LSAMP: variants seen among roughly 807,000 people sequenced by gnomAD.
LSAMP encodes limbic system-associated membrane protein.
A neutral mutation model predicts 38.6 loss-of-function variants in LSAMP; 7 were observed. The ratio of observed to expected loss-of-function variants is 0.18; its 90% CI spans 0.10 to 0.34. The LOEUF (loss-of-function observed/expected upper bound fraction) is 0.34. LSAMP is among the 10% of genes least tolerant of loss of function. The pLI is 1.00. For synonymous variants in LSAMP, 154 were observed against 166.8 expected, an observed-to-expected ratio of 0.92 and a Z score of 0.59; for missense variants, 313 against 420.0, an observed-to-expected ratio of 0.75 and a Z score of 2.23.
At chr3:116,341,925 G>C (rs146936679) in intron 1 of LSAMP, among the ~76,000 whole-genome samples, 1 of 152,102 alleles carries the variant, frequency 6.6e-6, no homozygotes, top group Non-Finnish European at 1.5e-5. Context: ...GTATTGGCTG[G>C]ATAAGCAATG....
intron 2 of LSAMP, among the ~76,000 whole-genome samples, chr3:116,041,419 T>G (rs1385030532): frequency 6.6e-6 from 1 of 152,058 alleles, no homozygotes; most frequent in African/African-American, 2.4e-5. Flanking sequence ...AAATCATCTC[T>G]CCCCTTTTAT....
intron 3 of LSAMP, among the ~76,000 whole-genome samples, chr3:115,860,096 G>C (rs111651678): frequency 2.0e-5 from 3 of 152,178 alleles, no homozygotes; most frequent in African/African-American, 7.2e-5. Context: ...GCACAATGTC[G>C]GAACCTATTA....
intron 1 of LSAMP, among the ~76,000 whole-genome samples, chr3:116,153,651 C>T (rs933020436): frequency 6.6e-6 from 1 of 151,934 alleles, no homozygotes; most frequent in Admixed American, 6.6e-5. Flanking sequence ...AGAAATTGTT[C>T]TAGGGGCACG....
At position 115,891,658 on chromosome 3, in the gene LSAMP, T is replaced by G. The variant is rs144072879; in HGVS notation, c.515-39041A>C. ...AGCTTCAGCTTCAGGGCCAGTCTTT[T>G]GCCAAGGCCCTATTCCAAACCACTC... On this transcript the variant is annotated intron_variant, in intron 3 of 6. Coordinates refer to ENST00000490035, the MANE Select transcript of LSAMP (RefSeq NM_002338.5). 1.4e-3 allele frequency among the ~76,000 whole-genome samples: 213 copies of G among 152,158 alleles called. 2 individuals carry two copies. Among genetic ancestry groups the G allele is most frequent in the African/African-American group, 4.5e-3 (189 of 41,552 alleles).
rs181628437 is a variant in LSAMP, at chr3:116,067,472, T to C, written c.388+18852A>G. ...TGGACCTCATACAGCAGCCGAGGTA[T>C]ATAAATATGCAAATCATAGATGTAT... On this transcript the variant is annotated intron_variant, in intron 2 of 6. Coordinates refer to ENST00000490035, the MANE Select transcript of LSAMP (RefSeq NM_002338.5). 3.3e-5 allele frequency among the ~76,000 whole-genome samples: 5 copies of C among 152,268 alleles called. No individual in the cohort carries two copies. In the East Asian group the frequency reaches 7.7e-4, roughly 24 times the overall value.
intron 3 of LSAMP, among the ~76,000 whole-genome samples, chr3:115,897,139 C>T (rs181426747): frequency 2.6e-5 from 4 of 152,088 alleles, no homozygotes; most frequent in South Asian, 2.1e-4. Context: ...GGGTAGGGTT[C>T]GGCTATGGTA....
intron 1 of LSAMP, among the ~76,000 whole-genome samples, chr3:116,197,130 G>GACACACACACACACACACACAC (rs10650049): frequency 1.1e-3 from 145 of 136,780 alleles, no homozygotes; most frequent in African/African-American, 3.5e-3. Context: ...ATCCCACTCG[G>GACACACACACACACACACACAC]ACACACACAC....
chr3:116,073,143 G>T (rs569457241), intron 2 of LSAMP, among the ~76,000 whole-genome samples: 1 of 152,258 alleles, frequency 6.6e-6, no homozygotes, highest in East Asian at 1.9e-4. Flanking sequence ...AGTTCTCCTA[G>T]AACGATTTAT....
chr3:116,035,706 C>T (rs1941031126), intron 2 of LSAMP, among the ~76,000 whole-genome samples: 1 of 152,146 alleles, frequency 6.6e-6, no homozygotes, highest in Non-Finnish European at 1.5e-5. Flanking sequence ...CCATGGACCT[C>T]ACCATTTAGT....
At chr3:116,180,828 T>G (rs1255048413) in intron 1 of LSAMP, among the ~76,000 whole-genome samples, 4 of 152,096 alleles carry the variant, frequency 2.6e-5, no homozygotes, top group Non-Finnish European at 4.4e-5. Context: ...CAATGTAATG[T>G]TTTGCAGGCC....
chr3:116,019,378 G>T, intron 3 of LSAMP, 137 bp downstream of exon 3: 1 of 1,042,178 alleles, frequency 9.6e-7, no homozygotes, highest in Non-Finnish European at 1.4e-6. Context: ...TAACAAGATA[G>T]ATGCATGACC....
chr3:116,411,327 G>C (rs1188738867), intron 1 of LSAMP, among the ~76,000 whole-genome samples: 1 of 151,870 alleles, frequency 6.6e-6, no homozygotes, highest in African/African-American at 2.4e-5. Flanking sequence ...ACATGCACAC[G>C]TATGTTTAGT....
intron 1 of LSAMP, among the ~76,000 whole-genome samples, chr3:116,134,363 TA>T (rs1410761444): frequency 4.0e-5 from 6 of 151,222 alleles, no homozygotes; most frequent in East Asian, 1.9e-4. Context: ...AGAATTACCT[TA>T]AAAAAAAAGA....
intron 3 of LSAMP, among the ~76,000 whole-genome samples, chr3:115,943,231 G>A (rs578202882): frequency 2.0e-5 from 3 of 152,086 alleles, no homozygotes; most frequent in Non-Finnish European, 4.4e-5. Flanking sequence ...AAGAAAGCCT[G>A]GGGAGGTCTT....
intron 1 of LSAMP, among the ~76,000 whole-genome samples, chr3:116,357,525 G>A (rs897021654): frequency 4.6e-5 from 7 of 151,996 alleles, no homozygotes; most frequent in Admixed American, 6.6e-5. Flanking sequence ...TTAAAACCTC[G>A]CACATGGTAA....
intron 1 of LSAMP, among the ~76,000 whole-genome samples, chr3:116,202,852 C>T (rs1361431594): frequency 6.6e-6 from 1 of 152,176 alleles, no homozygotes; most frequent in African/African-American, 2.4e-5. Context: ...CCTGGAAGTT[C>T]TCACCTCTGC....
intron 3 of LSAMP, among the ~76,000 whole-genome samples, chr3:116,003,342 G>A (rs1940054888): frequency 6.6e-6 from 1 of 152,072 alleles, no homozygotes; most frequent in Non-Finnish European, 1.5e-5. Context: ...GTGTAGTATA[G>A]AAAATCTCTT....
chr3:116,063,550 G>T (rs1941632317), intron 2 of LSAMP, among the ~76,000 whole-genome samples: 1 of 152,208 alleles, frequency 6.6e-6, no homozygotes, highest in Middle Eastern at 3.4e-3. Flanking sequence ...ATTGGAGAAT[G>T]TTGTTACATT....
In LSAMP at chr3:115,943,978, A is replaced by T. The variant is rs573612264; in HGVS notation, c.514+75537T>A. Among the ~76,000 whole-genome samples the T allele has an allele frequency of 2.6e-5, 4 of 152,326 alleles. No homozygotes were observed. The East Asian group carries it at 7.7e-4, about 29-fold the overall frequency. On this transcript the variant is annotated intron_variant, in intron 3 of 6. Transcript: ENST00000490035. ...AAGCTATCCTGGTGGCTCAAAATCC[A>T]GGGATTCCTTAAGAAGAAAATGATA...
Sources: allele counts gnomAD v4.1 joint callset (sites outside exome capture counted in the v4.1 genomes callset), GRCh38; gene constraint gnomAD v4.1.1; transcripts MANE v1.5; gene names NCBI Gene and HGNC (gene_info 2026-07-23, HGNC 2026-07-21).